ZBTB8OS: variants seen among roughly 807,000 people sequenced by gnomAD.
The protein encoded by ZBTB8OS is tRNA splicing ligase complex subunit 1, also known as tRNA-splicing ligase-activating factor archease.
In ZBTB8OS, 16 loss-of-function variants were observed where a neutral mutation model predicts 29.3. The observed-to-expected ratio is 0.55, with a 90% CI of 0.37 to 0.83. The LOEUF is 0.83. ZBTB8OS is among the 40% of genes least tolerant of loss of function. The pLI is 0.00. For synonymous variants in ZBTB8OS, 70 were observed against 64.6 expected (o/e 1.08, Z -0.40); for missense variants, 160 against 196.9 (o/e 0.81, Z 1.12).
chr1:32,642,348 G>C (rs1646476950), intron 1 of ZBTB8OS, among the ~76,000 whole-genome samples: 1 of 151,680 alleles, frequency 6.6e-6, no homozygotes, highest in Non-Finnish European at 1.5e-5. Context: ...TACTAAAAAT[G>C]CAAAAATTAG....
At chr1:32,625,236 G>T (rs564249660) in intron 6 of ZBTB8OS, among the ~76,000 whole-genome samples, 49 of 144,636 alleles carry the variant, frequency 3.4e-4, no homozygotes, top group East Asian at 1.2e-3. Flanking sequence ...AAAAAAGAAA[G>T]AATAATAATA....
intron 1 of ZBTB8OS, 74 bp downstream of exon 1, chr1:32,650,359 G>A: frequency 6.3e-7 from 1 of 1,585,472 alleles, no homozygotes; most frequent in South Asian, 1.1e-5. Context: ...AGAAAGAGCA[G>A]CAGGAAGCCG....
chr1:32,647,041 CAAAAAAAAAAAAA>C (rs71006347), intron 1 of ZBTB8OS, among the ~76,000 whole-genome samples: 12 of 39,394 alleles, frequency 3.0e-4, no homozygotes, highest in Admixed American at 1.3e-3. Context: ...GATACTGTCT[CAAAAAAAAAAAAA>C]AAAAAAAAAA....
chr1:32,629,808 A>G (rs1645408888), intron 5 of ZBTB8OS, among the ~76,000 whole-genome samples: 1 of 138,864 alleles, frequency 7.2e-6, no homozygotes, highest in Admixed American at 8.1e-5. Context: ...GCTGGAGTGC[A>G]GTGGCACAAT....
At chr1:32,646,139 G>C (rs1411171937) in intron 1 of ZBTB8OS, among the ~76,000 whole-genome samples, 1 of 151,976 alleles carries the variant, frequency 6.6e-6, no homozygotes, top group Non-Finnish European at 1.5e-5. Context: ...GGCCAACATG[G>C]TGAAACTCCA....
At chr1:32,644,758 T>C (rs886884387) in intron 1 of ZBTB8OS, among the ~76,000 whole-genome samples, 3 of 144,788 alleles carry the variant, frequency 2.1e-5, no homozygotes, top group Non-Finnish European at 3.0e-5. Flanking sequence ...TTGCCCAGAC[T>C]AATCTGGAAA....
intron 6 of ZBTB8OS, among the ~76,000 whole-genome samples, chr1:32,622,982 A>G (rs1644854619): frequency 6.6e-6 from 1 of 152,084 alleles, no homozygotes; most frequent in South Asian, 2.1e-4. Context: ...CCCAGGTCAA[A>G]AGCTCTCCAC....
In ZBTB8OS at chr1:32,648,401, G is replaced by A. The variant is rs894760220; in HGVS notation, c.97+2032C>T. ...TGATTCTACAGATTCACTTGCACAT[G>A]TACAAAACAGTGGATGTACAAGTGT... On this transcript the variant is annotated intron_variant, in intron 1 of 6. Coordinates refer to ENST00000468695, the MANE Select transcript of ZBTB8OS (RefSeq NM_178547.5). Among the ~76,000 whole-genome samples the A allele has an allele frequency of 5.9e-5, 9 of 152,312 alleles. No homozygotes were observed. The East Asian group carries it at 1.7e-3, about 29-fold the overall frequency.
rs71006347 is a variant in ZBTB8OS at position 32,647,041 on chromosome 1, CAAAAAAAAAAAAAAAAAA to C, written c.97+3374_97+3391del. Among the ~76,000 whole-genome samples the C allele has an allele frequency of 3.6e-4, 14 of 39,394 alleles. 1 individual carries two copies. In the East Asian group the frequency reaches 0.015, roughly 42 times the overall value. 25.8% of individuals were successfully genotyped at this position (39,394 alleles called of 152,430 possible). Reference sequence around the variant, plus strand: ...TGGGAGACAGAGCAAGATACTGTCTCAAAAAAAAAAAAAAAAAAAAAAAAAAAAAAAATGCCAGGCGTG... The same window carrying C: ...TGGGAGACAGAGCAAGATACTGTCTCAAAAAAAAAAAAAATGCCAGGCGTG... On this transcript the variant is annotated intron_variant, in intron 1 of 6. Coordinates refer to ENST00000468695, the MANE Select transcript of ZBTB8OS (RefSeq NM_178547.5).
At chr1:32,638,934 T>A (rs1646198544) in intron 1 of ZBTB8OS, among the ~76,000 whole-genome samples, 1 of 151,804 alleles carries the variant, frequency 6.6e-6, no homozygotes, top group South Asian at 2.1e-4. Context: ...ATAACAATAA[T>A]AATCATTCCA....
intron 1 of ZBTB8OS, among the ~76,000 whole-genome samples, chr1:32,646,974 G>A (rs1646886318): frequency 1.4e-5 from 2 of 140,726 alleles, no homozygotes; most frequent in African/African-American, 2.6e-5. Context: ...CCCAGGAGGC[G>A]GAGGTTGCTG....
At chr1:32,638,655 G>A (rs1456985561) in intron 1 of ZBTB8OS, among the ~76,000 whole-genome samples, 1 of 152,006 alleles carries the variant, frequency 6.6e-6, no homozygotes, top group Non-Finnish European at 1.5e-5. Context: ...GCTCACAACT[G>A]TAATCTCAGC....
intron 6 of ZBTB8OS, among the ~76,000 whole-genome samples, chr1:32,623,662 C>A (rs1339289384): frequency 6.6e-6 from 1 of 152,192 alleles, no homozygotes; most frequent in Non-Finnish European, 1.5e-5. Flanking sequence ...GTGGCCCTAT[C>A]TCTACAACCT....
At chr1:32,644,999 T>C (rs1272530832) in intron 1 of ZBTB8OS, among the ~76,000 whole-genome samples, 1 of 149,792 alleles carries the variant, frequency 6.7e-6, no homozygotes, top group Non-Finnish European at 1.5e-5. Context: ...GCCAACATGG[T>C]GAAACCCCGT....
intron 5 of ZBTB8OS, among the ~76,000 whole-genome samples, chr1:32,630,544 C>T (rs570744355): frequency 6.6e-6 from 1 of 151,784 alleles, no homozygotes; most frequent in Non-Finnish European, 1.5e-5. Flanking sequence ...CAGGGCAAGA[C>T]CCTGTCTCAA....
chr1:32,641,553 T>C (rs1421081350), intron 1 of ZBTB8OS, among the ~76,000 whole-genome samples: 2 of 144,398 alleles, frequency 1.4e-5, no homozygotes, highest in African/African-American at 2.5e-5. Flanking sequence ...ATTACAGGCA[T>C]GAGCCACCGC....
At chr1:32,647,489 C>T (rs1228629475) in intron 1 of ZBTB8OS, among the ~76,000 whole-genome samples, 2 of 151,862 alleles carry the variant, frequency 1.3e-5, no homozygotes, top group Non-Finnish European at 2.9e-5. Flanking sequence ...GGGTCCCCAA[C>T]CCCCTGGCCA....
intron 1 of ZBTB8OS, among the ~76,000 whole-genome samples, chr1:32,635,341 G>A (rs183343710): frequency 1.8e-4 from 27 of 150,614 alleles, no homozygotes; most frequent in African/African-American, 4.4e-4. Context: ...GCGCGATCTT[G>A]GCTCACTGCA....
chr1:32,644,169 A>G (rs1178575879), intron 1 of ZBTB8OS, among the ~76,000 whole-genome samples: 1 of 152,198 alleles, frequency 6.6e-6, no homozygotes, highest in Admixed American at 6.5e-5. Context: ...CTTTAAGACT[A>G]TTACAAGGTG....
Sources: allele counts gnomAD v4.1 joint callset (sites outside exome capture counted in the v4.1 genomes callset), GRCh38; gene constraint gnomAD v4.1.1; transcripts MANE v1.5; gene names NCBI Gene and HGNC (gene_info 2026-07-23, HGNC 2026-07-21).